The following ADARB2 variants were observed in gnomAD, a reference collection of about 807,000 sequenced individuals.
ADARB2 encodes the protein adenosine deaminase RNA specific B2 (inactive), also known as inactive double-stranded RNA-specific editase B2.
ADARB2 carries 25 observed loss-of-function variants against 62.2 expected under a neutral mutation model. The observed-to-expected ratio is 0.40, with a 90% confidence interval of 0.29 to 0.56. The LOEUF (loss-of-function observed/expected upper bound fraction) is 0.56. Ranked by LOEUF, ADARB2 falls within the 20% of genes least tolerant of loss-of-function variation. ADARB2 has a pLI of 0.43. For missense variants in ADARB2, 1,071 were observed against 1,077.4 expected (o/e 0.99, Z 0.08); for synonymous variants, 572 against 500.8 (o/e 1.14, Z -1.90).
intron 6 of ADARB2, among the ~76,000 whole-genome samples, chr10:1,225,992 T>C (rs1012437554): frequency 3.3e-5 from 5 of 152,202 alleles, no homozygotes; most frequent in Non-Finnish European, 7.3e-5. Flanking sequence ...CTGGATAATA[T>C]CCTGCAGAGT....
chr10:1,202,684 C>G (rs1046824290), intron 7 of ADARB2, among the ~76,000 whole-genome samples: 14 of 152,188 alleles, frequency 9.2e-5, no homozygotes, highest in Non-Finnish European at 1.5e-5. Flanking sequence ...TACTGTGGTC[C>G]CAGTGGGCCT....
chr10:1,177,560 T>C lies in ADARB2; in HGVS notation c.*5633A>G, dbSNP rs1050653093. The C allele has an allele frequency of 4.6e-5, 7 of 151,452 alleles. No homozygotes were observed. The highest frequency in any genetic ancestry group is 4.6e-4 in the Admixed American group (7 of 15,222). The allele number at this position is 151,452 out of a possible 1,614,324, so 9.4% of individuals were successfully genotyped here. The stretch of plus-strand genomic sequence containing the variant: ...TAAGTTCATTTTGCTTACAAAATGC[T>C]GAAAACTAACGGGGCACACTGGGAG... On this transcript the variant is annotated 3_prime_UTR_variant, in exon 10 of 10. Coordinates refer to ENST00000381312, the MANE Select transcript of ADARB2 (RefSeq NM_018702.4).
At chr10:1,573,119 T>C (rs972317905) in intron 1 of ADARB2, among the ~76,000 whole-genome samples, 5 of 152,178 alleles carry the variant, frequency 3.3e-5, no homozygotes, top group Admixed American at 3.3e-4. Flanking sequence ...GGCCAGTAAA[T>C]GAACAGAGGA....
intron 1 of ADARB2, among the ~76,000 whole-genome samples, chr10:1,409,546 G>A (rs907309602): frequency 2.0e-5 from 3 of 151,100 alleles, no homozygotes; most frequent in Non-Finnish European, 4.4e-5. Flanking sequence ...GATTCTCAGT[G>A]GTGCCGAGGC....
intron 1 of ADARB2, among the ~76,000 whole-genome samples, chr10:1,448,057 T>C (rs2131899799): frequency 6.6e-6 from 1 of 152,338 alleles, no homozygotes. Context: ...CATGTGTCTT[T>C]ATGGTATAGA....
intron 8 of ADARB2, among the ~76,000 whole-genome samples, chr10:1,185,670 G>A (rs916220253): frequency 2.0e-5 from 3 of 152,228 alleles, no homozygotes; most frequent in South Asian, 4.1e-4. Flanking sequence ...ACAGTGGGGC[G>A]TTAAACCAAG....
At chr10:1,303,921 T>G (rs1292694147) in intron 3 of ADARB2, among the ~76,000 whole-genome samples, 2 of 152,184 alleles carry the variant, frequency 1.3e-5, no homozygotes, top group Non-Finnish European at 2.9e-5. Flanking sequence ...TGCAAAATCA[T>G]GCCAAAATGT....
chr10:1,697,807 G>A (rs1414660315), intron 1 of ADARB2, among the ~76,000 whole-genome samples: 1 of 152,144 alleles, frequency 6.6e-6, no homozygotes, highest in African/African-American at 2.4e-5. Flanking sequence ...AGTGGATCCT[G>A]TCATCCCCCA....
chr10:1,199,747 A>C, intron 8 of ADARB2: 3 of 488,084 alleles, frequency 6.1e-6, no homozygotes, highest in Non-Finnish European at 1.1e-5. Flanking sequence ...CCATCACACA[A>C]TCACGAATTC....
chr10:1,280,063 C>T (rs576218950), intron 3 of ADARB2, among the ~76,000 whole-genome samples: 29 of 152,258 alleles, frequency 1.9e-4, no homozygotes, highest in African/African-American at 6.7e-4. Flanking sequence ...AACTGAATGT[C>T]TGTGGCAGCA....
chr10:1,203,500 A>C (rs1158635608), intron 7 of ADARB2, among the ~76,000 whole-genome samples: 1 of 152,216 alleles, frequency 6.6e-6, no homozygotes, highest in Middle Eastern at 3.2e-3. Flanking sequence ...AGCCTGCAGC[A>C]AAGTCCTCAG....
intron 1 of ADARB2, among the ~76,000 whole-genome samples, chr10:1,666,183 A>T (rs1834314056): frequency 6.6e-6 from 1 of 152,222 alleles, no homozygotes; most frequent in Admixed American, 6.5e-5. Context: ...GGCTGCATAG[A>T]ACCGGGAGGG....
chr10:1,675,864 G>A (rs1271557037), intron 1 of ADARB2: 1 of 752,134 alleles, frequency 1.3e-6, no homozygotes, highest in Non-Finnish European at 1.6e-6. Flanking sequence ...CAGGAGGGCA[G>A]AGGCCAGCCT....
intron 6 of ADARB2, 131 bp from the exon 7 acceptor site, chr10:1,217,250 G>C: frequency 1.0e-6 from 1 of 956,036 alleles, no homozygotes; most frequent in South Asian, 1.8e-5. Context: ...GCACGAGGAA[G>C]GGGCTTCAGA....
chr10:1,678,746 G>T (rs1481169015), intron 1 of ADARB2, among the ~76,000 whole-genome samples: 7 of 152,008 alleles, frequency 4.6e-5, no homozygotes, highest in Non-Finnish European at 1.0e-4. Flanking sequence ...GTGCAGCTGG[G>T]CAGTAAGTGT....
intron 1 of ADARB2, among the ~76,000 whole-genome samples, chr10:1,530,081 T>A (rs1461137188): frequency 6.7e-6 from 1 of 148,474 alleles, no homozygotes; most frequent in Non-Finnish European, 1.5e-5. Flanking sequence ...CCAGTGCTGG[T>A]ACCTGTCCAC....
intron 1 of ADARB2, among the ~76,000 whole-genome samples, chr10:1,461,771 G>A (rs192668655): frequency 1.7e-3 from 252 of 152,054 alleles, no homozygotes; most frequent in African/African-American, 5.0e-3. Flanking sequence ...AGGCCGAGGC[G>A]GGCACATCAC....
At chr10:1,561,797 C>G (rs922925601) in intron 1 of ADARB2, among the ~76,000 whole-genome samples, 3 of 152,160 alleles carry the variant, frequency 2.0e-5, no homozygotes, top group Admixed American at 6.5e-5. Flanking sequence ...AGGATCCTCC[C>G]GATGTGGCCT....
At chr10:1,571,991 G>A (rs571556140) in intron 1 of ADARB2, among the ~76,000 whole-genome samples, 196 of 147,068 alleles carry the variant, frequency 1.3e-3, no homozygotes, top group African/African-American at 4.8e-3. Context: ...TGGTGAGTGT[G>A]CAGGTGAGTG....
Sources: allele counts gnomAD v4.1 joint callset (sites outside exome capture counted in the v4.1 genomes callset), GRCh38; gene constraint gnomAD v4.1.1; transcripts MANE v1.5; gene names NCBI Gene and HGNC (gene_info 2026-07-23, HGNC 2026-07-21).